Variants in PTPRM observed in about 807,000 individuals in gnomAD.
The protein encoded by PTPRM is receptor-type tyrosine-protein phosphatase mu.
Under a neutral mutation model 186.7 loss-of-function variants are expected in PTPRM, and 47 were observed. That is an observed-to-expected ratio of 0.25 (90% CI 0.20 to 0.32). PTPRM has a LOEUF of 0.32. PTPRM is among the 10% of genes least tolerant of loss of function. PTPRM has a pLI of 1.00. For synonymous variants in PTPRM, 668 were observed against 674.9 expected, an observed-to-expected ratio of 0.99 and a Z score of 0.16; for missense variants, 1,494 against 1,865.0, an observed-to-expected ratio of 0.80 and a Z score of 3.66.
intron 14 of PTPRM, among the ~76,000 whole-genome samples, chr18:8,214,910 C>T (rs1442416759): frequency 1.3e-5 from 2 of 152,182 alleles, no homozygotes; most frequent in East Asian, 1.9e-4. Context: ...TGATCTGCCC[C>T]CTTGGCCTCC....
intron 7 of PTPRM, among the ~76,000 whole-genome samples, chr18:8,021,315 G>GACACAC (rs1377924670): frequency 2.0e-5 from 2 of 99,134 alleles, no homozygotes; most frequent in Non-Finnish European, 4.0e-5. Flanking sequence ...AAGCATAAAA[G>GACACAC]AGACACACAC....
intron 13 of PTPRM, among the ~76,000 whole-genome samples, chr18:8,138,908 T>C (rs898343182): frequency 6.6e-6 from 1 of 152,166 alleles, no homozygotes; most frequent in Non-Finnish European, 1.5e-5. Context: ...GGATGCTCCC[T>C]GTGTCTGTAT....
At chr18:7,866,781 G>A (rs2047726241) in intron 2 of PTPRM, among the ~76,000 whole-genome samples, 1 of 152,318 alleles carries the variant, frequency 6.6e-6, no homozygotes. Flanking sequence ...AATATTGACA[G>A]TGGGGTGTTA....
intron 1 of PTPRM, among the ~76,000 whole-genome samples, chr18:7,663,198 A>G (rs2039018247): frequency 6.6e-6 from 1 of 152,118 alleles, no homozygotes; most frequent in Non-Finnish European, 1.5e-5. Context: ...AAGGTCACGC[A>G]CTCACTAAGC....
At chr18:8,272,119 C>G (rs921873036) in intron 19 of PTPRM, among the ~76,000 whole-genome samples, 1 of 150,466 alleles carries the variant, frequency 6.6e-6, no homozygotes, top group Non-Finnish European at 1.5e-5. Context: ...AGAGGAGAAT[C>G]GCTTGAACCT....
intron 7 of PTPRM, among the ~76,000 whole-genome samples, chr18:8,002,585 G>A (rs548537752): frequency 5.9e-5 from 9 of 152,282 alleles, no homozygotes; most frequent in South Asian, 2.1e-4. Context: ...TCCTGTGTCC[G>A]TGATTGTCAC....
At chr18:8,131,869 G>A (rs1453710659) in intron 13 of PTPRM, among the ~76,000 whole-genome samples, 1 of 152,112 alleles carries the variant, frequency 6.6e-6, no homozygotes, top group Non-Finnish European at 1.5e-5. Flanking sequence ...AATAAACTTG[G>A]CACCTGCCTA....
At chr18:8,125,242 C>A (rs1180214546) in intron 13 of PTPRM, among the ~76,000 whole-genome samples, 1 of 150,404 alleles carries the variant, frequency 6.6e-6, no homozygotes, top group Admixed American at 6.6e-5. Context: ...ATAAATATTT[C>A]TTGACTGAGT....
intron 1 of PTPRM, among the ~76,000 whole-genome samples, chr18:7,628,608 ATTCATT>A (rs1166072172): frequency 6.6e-6 from 1 of 152,220 alleles, no homozygotes; most frequent in African/African-American, 2.4e-5. Context: ...CTAAGCTTGA[ATTCATT>A]TTCATCTTTT....
At chr18:8,367,225 C>G (rs2095635539) in intron 23 of PTPRM, among the ~76,000 whole-genome samples, 1 of 152,030 alleles carries the variant, frequency 6.6e-6, no homozygotes, top group Non-Finnish European at 1.5e-5. Context: ...AGGCTGAAAA[C>G]AGATGTGGCA....
intron 17 of PTPRM, among the ~76,000 whole-genome samples, chr18:8,249,631 T>C (rs896949813): frequency 6.6e-6 from 1 of 151,992 alleles, no homozygotes; most frequent in Non-Finnish European, 1.5e-5. Flanking sequence ...GAGCCGTGAG[T>C]GGGGAGGGCT....
intron 1 of PTPRM, among the ~76,000 whole-genome samples, chr18:7,681,585 T>TAAA (rs546037419): frequency 2.1e-5 from 3 of 143,322 alleles, no homozygotes; most frequent in African/African-American, 7.6e-5. Flanking sequence ...TTAGATTCCT[T>TAAA]AAAAAAAAAA....
At chr18:8,343,118 G>A (rs896969027) in intron 22 of PTPRM, among the ~76,000 whole-genome samples, 2 of 136,550 alleles carry the variant, frequency 1.5e-5, no homozygotes, top group African/African-American at 5.0e-5. Flanking sequence ...TGAGTACTAT[G>A]GAGATAATAG....
chr18:7,892,147 C>CTGATA (rs1202020101), intron 3 of PTPRM, among the ~76,000 whole-genome samples: 6 of 152,162 alleles, frequency 3.9e-5, no homozygotes, highest in African/African-American at 1.4e-4. Context: ...GTATGTCCTG[C>CTGATA]TCATGTTTTC....
chr18:8,267,983 G>A (rs759212739), intron 19 of PTPRM, among the ~76,000 whole-genome samples: 1 of 152,082 alleles, frequency 6.6e-6, no homozygotes, highest in Non-Finnish European at 1.5e-5. Context: ...CTACTAATGT[G>A]TCTAAGCTCT....
chr18:8,142,240 A>C (rs2092782320), intron 13 of PTPRM, among the ~76,000 whole-genome samples: 1 of 152,160 alleles, frequency 6.6e-6, no homozygotes, highest in Admixed American at 6.5e-5. Flanking sequence ...TGTTTTTTGC[A>C]TCATGGCTGC....
chr18:7,906,260 C>T (rs1046577534), intron 3 of PTPRM, among the ~76,000 whole-genome samples: 1 of 152,168 alleles, frequency 6.6e-6, no homozygotes, highest in Admixed American at 6.5e-5. Flanking sequence ...TATCCTTTCA[C>T]TATGGGTTTT....
chr18:8,096,219 G>A (rs1375774396), intron 11 of PTPRM, among the ~76,000 whole-genome samples: 1 of 152,214 alleles, frequency 6.6e-6, no homozygotes, highest in South Asian at 2.1e-4. Flanking sequence ...GGGTGATTGT[G>A]GCTCATTCTT....
At chr18:8,331,679 A>G (rs2095413024) in intron 22 of PTPRM, among the ~76,000 whole-genome samples, 1 of 152,202 alleles carries the variant, frequency 6.6e-6, no homozygotes. Flanking sequence ...TACATCCTAC[A>G]CCTGTTAATG....
Sources: gnomAD v4.1 joint callset for allele counts (sites outside exome capture counted in the v4.1 genomes callset) on GRCh38, gnomAD v4.1.1 for gene constraint, MANE v1.5 for transcripts, NCBI Gene and HGNC (gene_info 2026-07-23, HGNC 2026-07-21) for gene names.